The following CEMIP variants were observed in gnomAD, a reference collection of about 807,000 sequenced individuals.
CEMIP encodes cell migration-inducing and hyaluronan-binding protein.
A neutral mutation model predicts 156.9 loss-of-function variants in CEMIP; 105 were observed. That is an observed-to-expected ratio of 0.67 (90% confidence interval 0.57 to 0.79). The LOEUF (loss-of-function observed/expected upper bound fraction) is 0.79. CEMIP is among the 30% of genes least tolerant of loss of function. The probability of loss-of-function intolerance (pLI) is 0.00; values close to 1 mark genes in which losing one functional copy is unlikely to be tolerated. For synonymous variants in CEMIP, 676 were observed against 668.4 expected (o/e 1.01, Z -0.17); for missense variants, 1,457 against 1,769.4 (o/e 0.82, Z 3.17).
rs748410521 is a variant in CEMIP, at chr15:80,865,441, A to G, written c.-175-8097A>G. ...GTGACCCACCAGCCTCGGCCTCCCA[A>G]AGTGCTGGGATTATAGGCGTGAGCC... On this transcript the variant is annotated intron_variant, in intron 1 of 29. Coordinates refer to ENST00000394685, the MANE Select transcript of CEMIP (RefSeq NM_001293298.2). Among the ~76,000 whole-genome samples, 165 of 152,072 alleles carry G rather than the reference A, an allele frequency of 1.1e-3. 1 individual carries two copies. The highest frequency in any genetic ancestry group is 1.1e-3 in the Non-Finnish European group (72 of 67,982).
rs185993688 is a variant in CEMIP, at chr15:80,913,904, C to T, written c.1797+4598C>T. ...ACATGCTTAGCTTTGGTTATCCTAG[C>T]GATGCCTAAACTCATTCGCATCTTA... is the stretch of plus-strand genomic sequence containing the variant. On this transcript the variant is annotated intron_variant, in intron 14 of 29. Transcript: ENST00000394685. 9.6e-4 allele frequency among the ~76,000 whole-genome samples: 146 copies of T among 152,364 alleles called. 1 individual carries two copies. Among genetic ancestry groups the T allele is most frequent in the South Asian group, 2.1e-4 (1 of 4,828 alleles).
intron 5 of CEMIP, among the ~76,000 whole-genome samples, chr15:80,880,237 GA>G (rs1898601733): frequency 6.6e-6 from 1 of 152,228 alleles, no homozygotes; most frequent in South Asian, 2.1e-4. Flanking sequence ...AGAGTGCTAA[GA>G]AGTGAGAGTC....
At chr15:80,794,235 A>G (rs890091619) in intron 1 of CEMIP, among the ~76,000 whole-genome samples, 1 of 152,232 alleles carries the variant, frequency 6.6e-6, no homozygotes, top group African/African-American at 2.4e-5. Flanking sequence ...ACAAAATAAC[A>G]GTGAGCTTAC....
chr15:80,806,999 A>G (rs767478047), intron 1 of CEMIP, among the ~76,000 whole-genome samples: 38 of 152,226 alleles, frequency 2.5e-4, no homozygotes, highest in Non-Finnish European at 5.0e-4. Flanking sequence ...ACACAAAGCA[A>G]CACAAGAAAT....
At chr15:80,809,041 G>A (rs1896588890) in intron 1 of CEMIP, among the ~76,000 whole-genome samples, 1 of 152,066 alleles carries the variant, frequency 6.6e-6, no homozygotes, top group African/African-American at 2.4e-5. Context: ...ACCTACTTGT[G>A]GTCAGATGTG....
In CEMIP at chr15:80,879,837, C is replaced by T. The variant is rs1356199758; in HGVS notation, c.363C>T (p.Thr121=). The T allele has an allele frequency of 6.2e-7, 1 of 1,614,160 alleles. No individual in the cohort carries two copies. The highest frequency in any genetic ancestry group is 1.1e-5 in the South Asian group (1 of 91,082). The part of the protein sequence containing the change: ...SALCPFQGNF[T]IILYGRADEG... ...TCTGCCCTTTCCAGGGCAATTTCAC[C>T]ATCATTTTGTATGGAAGGTGCGTAG... Residue 121 remains threonine (T), a synonymous_variant, in exon 5 of 30, where the codon ACC becomes ACT. Coordinates refer to ENST00000394685, the MANE Select transcript of CEMIP (RefSeq NM_001293298.2).
intron 1 of CEMIP, among the ~76,000 whole-genome samples, chr15:80,821,638 AG>A: frequency 6.6e-6 from 1 of 152,312 alleles, no homozygotes; most frequent in Middle Eastern, 3.4e-3. Context: ...AGGGTGTGAG[AG>A]GGGACAGTGT....
At chr15:80,794,256 T>C (rs182127272) in intron 1 of CEMIP, among the ~76,000 whole-genome samples, 2 of 152,374 alleles carry the variant, frequency 1.3e-5, no homozygotes. Flanking sequence ...AAACTTGTAG[T>C]ATCCATATTC....
intron 12 of CEMIP, chr15:80,900,803 C>A: frequency 2.8e-6 from 1 of 363,526 alleles, no homozygotes. Flanking sequence ...CCTGCTTCTC[C>A]CTTTTCTGTG....
intron 15 of CEMIP, 137 bp from the exon 16 acceptor site, chr15:80,920,895 A>G (rs1211720503): frequency 1.4e-6 from 1 of 720,300 alleles, no homozygotes; most frequent in African/African-American, 1.8e-5. Context: ...TTTCAGATCA[A>G]CAAGTCAATG....
At position 80,909,218 on chromosome 15, in the gene CEMIP, G is replaced by T; in HGVS notation, c.1709G>T (p.Gly570Val). The change falls in exon 14 of 30, where the codon GGT (glycine) becomes GTT (valine). Residue 570 changes from glycine (G) to valine (V), a missense_variant. By Grantham distance (109) the Gly-to-Val change is moderately radical. Transcript: ENST00000394685. ...GCCGGTGATGTAGACGAAAGGGGAG[G>T]TTATGACCCACCCACATACATCAGG... ...HLAGDVDERG[G>V]YDPPTYIRDL... 2 of 1,614,094 alleles carry T rather than the reference G, an allele frequency of 1.2e-6. No homozygotes were observed. The highest frequency in any genetic ancestry group is 1.7e-6 in the Non-Finnish European group (2 of 1,180,026).
chr15:80,895,527 G>T (rs1001788925), intron 11 of CEMIP, among the ~76,000 whole-genome samples: 1 of 152,130 alleles, frequency 6.6e-6, no homozygotes, highest in Admixed American at 6.5e-5. Flanking sequence ...TGAAAGTTTA[G>T]GGGGAGAAGT....
At chr15:80,892,589 A>G (rs569394501) in intron 10 of CEMIP, among the ~76,000 whole-genome samples, 1 of 152,278 alleles carries the variant, frequency 6.6e-6, no homozygotes, top group East Asian at 1.9e-4. Flanking sequence ...CATATTCTGA[A>G]GCCAGAGAGA....
chr15:80,871,426 T>C (rs971977366), intron 1 of CEMIP, among the ~76,000 whole-genome samples: 1 of 152,254 alleles, frequency 6.6e-6, no homozygotes, highest in South Asian at 2.1e-4. Context: ...GACTCTTTTT[T>C]GGTCTTTGAA....
At chr15:80,831,702 T>C (rs1391276883) in intron 1 of CEMIP, among the ~76,000 whole-genome samples, 1 of 152,188 alleles carries the variant, frequency 6.6e-6, no homozygotes, top group Non-Finnish European at 1.5e-5. Context: ...CTGTATCTCC[T>C]TACAGAGACC....
intron 1 of CEMIP, among the ~76,000 whole-genome samples, chr15:80,854,807 G>A (rs1052374222): frequency 1.4e-4 from 21 of 152,110 alleles, no homozygotes; most frequent in Admixed American, 1.2e-3. Flanking sequence ...ATAAATCCAC[G>A]AGATAATGTT....
At chr15:80,788,287 A>G (rs576299722) in intron 1 of CEMIP, among the ~76,000 whole-genome samples, 8 of 152,136 alleles carry the variant, frequency 5.3e-5, no homozygotes, top group African/African-American at 1.9e-4. Flanking sequence ...CCTGGCCAAC[A>G]TGGTGAAATG....
intron 1 of CEMIP, among the ~76,000 whole-genome samples, chr15:80,850,430 C>G (rs2141734151): frequency 6.6e-6 from 1 of 152,310 alleles, no homozygotes; most frequent in African/African-American, 2.4e-5. Context: ...ACATGTGCCA[C>G]CATGCCTAGC....
chr15:80,942,409 G>A lies in CEMIP; in HGVS notation c.3699+72G>A, dbSNP rs557002142. 7.1e-4 allele frequency: 919 copies of A among 1,299,688 alleles called. 1 individual carries two copies. The highest frequency in any genetic ancestry group is 1.1e-3 in the Admixed American group (66 of 58,680). 80.5% of individuals were successfully genotyped at this position (1,299,688 alleles called of 1,614,324 possible). ...GTGATACTGTGTCCTGCGGCTGCTG[G>A]CACAAATTACTGCAAACTGGGAGCA... On this transcript the variant is annotated intron_variant, in intron 27 of 29. Transcript: ENST00000394685.
Sources: allele counts gnomAD v4.1 joint callset (sites outside exome capture counted in the v4.1 genomes callset), GRCh38; gene constraint gnomAD v4.1.1; transcripts MANE v1.5; gene names NCBI Gene and HGNC (gene_info 2026-07-23, HGNC 2026-07-21).